Variants in EPHA6 observed in about 807,000 individuals in gnomAD.
EPHA6 encodes the protein EPH receptor A6, also known as ephrin type-A receptor 6.
A neutral mutation model predicts 112.0 loss-of-function variants in EPHA6; 50 were observed. That is an observed-to-expected ratio of 0.45 (90% confidence interval 0.36 to 0.56). EPHA6 has a LOEUF of 0.56. Ranked by LOEUF, EPHA6 falls within the 20% of genes least tolerant of loss-of-function variation. The probability of loss-of-function intolerance (pLI) is 0.00; values close to 1 mark genes in which losing one functional copy is unlikely to be tolerated. For synonymous variants in EPHA6, 529 were observed against 490.7 expected, an observed-to-expected ratio of 1.08 and a Z score of -1.03; for missense variants, 1,280 against 1,417.4, an observed-to-expected ratio of 0.90 and a Z score of 1.56.
At chr3:97,553,493 G>A (rs115489094) in intron 11 of EPHA6, among the ~76,000 whole-genome samples, 264 of 152,186 alleles carry the variant, frequency 1.7e-3, no homozygotes, top group Non-Finnish European at 3.0e-3. Flanking sequence ...TACAACCATG[G>A]CAGAAGGCTA....
intron 3 of EPHA6, among the ~76,000 whole-genome samples, chr3:97,016,032 T>C (rs1171250566): frequency 4.2e-5 from 6 of 143,762 alleles, no homozygotes; most frequent in Admixed American, 6.9e-5. Flanking sequence ...CCATTCTTCA[T>C]TCTTCCTGAA....
chr3:97,488,997 T>A (rs2091767334), intron 10 of EPHA6, among the ~76,000 whole-genome samples: 2 of 152,246 alleles, frequency 1.3e-5, no homozygotes, highest in African/African-American at 4.8e-5. Flanking sequence ...GACTCAGATA[T>A]GAATCACAGC....
At chr3:97,548,722 T>C (rs2092991444) in intron 11 of EPHA6, among the ~76,000 whole-genome samples, 1 of 152,250 alleles carries the variant, frequency 6.6e-6, no homozygotes, top group Non-Finnish European at 1.5e-5. Context: ...TATTCCTTTG[T>C]ACGCAAGCAC....
chr3:96,987,981 G>T lies in EPHA6; in HGVS notation c.1102G>T (p.Gly368Cys). ...ICSTGYEEIEGSCHACRPGFY... is the reference protein window; with the variant it reads ...ICSTGYEEIECSCHACRPGFY... ...CAGTACAGGATATGAAGAAATTGAG[G>T]GTTCTTGCCATGGTAAGAAACAAAC... The change falls in exon 3 of 18, where the codon GGT becomes TGT. Residue 368 changes from glycine to cysteine, a missense_variant. Transcript: ENST00000389672. 4 of 1,538,398 alleles carry T rather than the reference G, an allele frequency of 2.6e-6. No homozygotes were observed. The highest frequency in any genetic ancestry group is 1.9e-5 in the Admixed American group (1 of 51,368).
chr3:97,073,653 A>T (rs2046426237), intron 3 of EPHA6, among the ~76,000 whole-genome samples: 1 of 152,126 alleles, frequency 6.6e-6, no homozygotes, highest in Admixed American at 6.6e-5. Context: ...TATATATTTT[A>T]AAAATTTTTC....
intron 3 of EPHA6, among the ~76,000 whole-genome samples, chr3:97,020,672 C>A (rs907365757): frequency 6.6e-6 from 1 of 152,156 alleles, no homozygotes; most frequent in Non-Finnish European, 1.5e-5. Context: ...GGAAGAGATT[C>A]CCACTGGTCC....
At chr3:97,589,811 T>C (rs1420412425) in intron 11 of EPHA6, among the ~76,000 whole-genome samples, 1 of 152,210 alleles carries the variant, frequency 6.6e-6, no homozygotes, top group African/African-American at 2.4e-5. Context: ...GGAATGTAAC[T>C]AAAAACAAAA....
chr3:97,748,763 A>G lies in EPHA6; in HGVS notation c.*62A>G, dbSNP rs199512839. The G allele has an allele frequency of 1.6e-3, 1,382 of 844,708 alleles. 3 individuals are homozygous for G. The highest frequency in any genetic ancestry group is 2.4e-3 in the South Asian group (171 of 70,776). The allele number at this position is 844,708 out of a possible 1,614,324, so 52.3% of individuals were successfully genotyped here. A position where few individuals can be genotyped will look rare whatever the true frequency, so the allele number is the denominator to read the frequency against. Reference sequence around the variant, plus strand: ...TTCTAAAATGAACGATATCCTCTCTACTACTCTCTCTTCTGATTCTCCAAA... The same window carrying G: ...TTCTAAAATGAACGATATCCTCTCTGCTACTCTCTCTTCTGATTCTCCAAA... On this transcript the variant is annotated 3_prime_UTR_variant, in exon 18 of 18. Coordinates refer to ENST00000389672, the MANE Select transcript of EPHA6 (RefSeq NM_001080448.3).
chr3:97,423,232 T>TA (rs1288384560), intron 6 of EPHA6, among the ~76,000 whole-genome samples: 1 of 152,144 alleles, frequency 6.6e-6, no homozygotes, highest in Non-Finnish European at 1.5e-5. Flanking sequence ...TCACAGATGA[T>TA]ACAATTTTAT....
intron 7 of EPHA6, among the ~76,000 whole-genome samples, chr3:97,464,631 C>T (rs777312747): frequency 9.9e-5 from 15 of 151,924 alleles, no homozygotes; most frequent in African/African-American, 1.5e-4. Context: ...TTCAGAGTCC[C>T]CCACCACAGG....
chr3:96,876,280 A>G (rs1047974818), intron 2 of EPHA6, among the ~76,000 whole-genome samples: 4 of 151,536 alleles, frequency 2.6e-5, no homozygotes, highest in Non-Finnish European at 5.9e-5. Context: ...TAAGTGATAA[A>G]TTTACTCTTA....
At position 97,619,153 on chromosome 3, in the gene EPHA6, A is replaced by G. The variant is rs532676058; in HGVS notation, c.2574+8299A>G. On this transcript the variant is annotated intron_variant, in intron 13 of 17. Coordinates refer to ENST00000389672, the MANE Select transcript of EPHA6 (RefSeq NM_001080448.3). The stretch of plus-strand genomic sequence containing the variant: ...TGTGATTCATAACATAAACAGAACT[A>G]AAAACAAAAACCACATGATTGTCTC... Among the ~76,000 whole-genome samples, 946 of 131,098 alleles carry G rather than the reference A, an allele frequency of 7.2e-3. 8 individuals carry two copies. Among genetic ancestry groups the G allele is most frequent in the Admixed American group, 0.023 (286 of 12,510 alleles). The allele number at this position is 131,098 out of a possible 152,430, so 86.0% of individuals were successfully genotyped here.
intron 14 of EPHA6, among the ~76,000 whole-genome samples, chr3:97,715,934 T>G (rs900291870): frequency 2.0e-5 from 3 of 152,240 alleles, no homozygotes; most frequent in Non-Finnish European, 4.4e-5. Context: ...TGTTTTTCTT[T>G]TGTTCCCTAA....
chr3:97,542,161 A>T (rs543889729), intron 11 of EPHA6, among the ~76,000 whole-genome samples: 1 of 151,446 alleles, frequency 6.6e-6, no homozygotes, highest in East Asian at 2.0e-4. Flanking sequence ...TTACATACGT[A>T]TACATGTGCC....
chr3:97,461,353 G>T (rs1050882193), intron 7 of EPHA6, among the ~76,000 whole-genome samples: 1 of 152,058 alleles, frequency 6.6e-6, no homozygotes, highest in Non-Finnish European at 1.5e-5. Context: ...TCAAATATGG[G>T]ACTTTGAATA....
chr3:97,596,777 C>CAT (rs57541953), intron 12 of EPHA6, among the ~76,000 whole-genome samples: 6,436 of 105,956 alleles, frequency 0.061, 165 homozygotes, highest in Middle Eastern at 0.12. Flanking sequence ...AACTCATATA[C>CAT]ATATATATAT....
intron 7 of EPHA6, among the ~76,000 whole-genome samples, chr3:97,456,627 A>G (rs983653943): frequency 6.6e-6 from 1 of 152,166 alleles, no homozygotes; most frequent in Non-Finnish European, 1.5e-5. Context: ...ACATATATTA[A>G]TAACAAGCAA....
intron 2 of EPHA6, among the ~76,000 whole-genome samples, chr3:96,983,412 GGA>G (rs1358370804): frequency 6.6e-6 from 1 of 152,120 alleles, no homozygotes; most frequent in African/African-American, 2.4e-5. Flanking sequence ...GAGTTTCTGC[GGA>G]GAGATCAGCT....
At chr3:96,978,070 G>A (rs2042604152) in intron 2 of EPHA6, among the ~76,000 whole-genome samples, 1 of 152,168 alleles carries the variant, frequency 6.6e-6, no homozygotes, top group Admixed American at 6.5e-5. Context: ...TGAGGTGGAA[G>A]GATTTCTTGA....
Sources: gnomAD v4.1 joint callset for allele counts (sites outside exome capture counted in the v4.1 genomes callset) on GRCh38, gnomAD v4.1.1 for gene constraint, MANE v1.5 for transcripts, NCBI Gene and HGNC (gene_info 2026-07-23, HGNC 2026-07-21) for gene names.